RESF1: variants seen among roughly 807,000 people sequenced by gnomAD.
RESF1 encodes gonad expressed transcript.
RESF1 carries 65 observed loss-of-function variants against 134.7 expected under a neutral mutation model. That is an observed-to-expected ratio of 0.48 (90% CI 0.40 to 0.59). RESF1 has a LOEUF of 0.59. Among genes scored for constraint, RESF1 ranks in the 20% least tolerant of loss-of-function variants. The pLI, the probability that RESF1 is intolerant of heterozygous loss-of-function variation, is 0.00. For synonymous variants in RESF1, 762 were observed against 702.2 expected, an observed-to-expected ratio of 1.09 and a Z score of -1.35; for missense variants, 2,274 against 2,002.7, an observed-to-expected ratio of 1.14 and a Z score of -2.59.
chr12:31,992,900 G>A lies in RESF1; in HGVS notation c.*365G>A. 5.3e-6 allele frequency: 1 copy of A among 189,116 alleles called. No homozygotes were observed. The highest frequency in any genetic ancestry group is 1.1e-5 in the Non-Finnish European group (1 of 92,052). 11.7% of individuals were successfully genotyped at this position (189,116 alleles called of 1,614,324 possible). On this transcript the variant is annotated 3_prime_UTR_variant, in exon 6 of 6. Coordinates refer to ENST00000312561, the MANE Select transcript of RESF1 (RefSeq NM_018169.4). ...TAAATGGGACTGTAAATATGTTTTGGTTTCTAAGCTATATTAGCAAAATTT... is the reference window on the plus strand; with the variant it reads ...TAAATGGGACTGTAAATATGTTTTGATTTCTAAGCTATATTAGCAAAATTT...
At position 31,983,556 on chromosome 12, in the gene RESF1, T is replaced by C. The variant is rs368416369; in HGVS notation, c.2601T>C (p.His867=). ...GKHNKLESAI[H]SPMNDQQISQ... is the part of the protein sequence containing the mutation. ...ATAACAAATTAGAGTCAGCTATCCA[T>C]TCTCCTATGAACGATCAGCAAATCT... The change falls in exon 4 of 6, where the codon CAT becomes CAC. Residue 867 remains histidine, a synonymous_variant. Coordinates refer to ENST00000312561, the MANE Select transcript of RESF1 (RefSeq NM_018169.4). The C allele has an allele frequency of 3.8e-5, 62 of 1,614,038 alleles. No homozygotes were observed. Among genetic ancestry groups the C allele is most frequent in the Non-Finnish European group, 5.0e-5 (59 of 1,180,004 alleles).
chr12:31,985,185 T>G lies in RESF1; in HGVS notation c.4230T>G (p.Ser1410=). 5 of 1,569,232 alleles carry G rather than the reference T, an allele frequency of 3.2e-6. No individual in the cohort carries two copies. The highest frequency in any genetic ancestry group is 1.4e-5 in the African/African-American group (1 of 72,626). ...GAGCTACATTCAAATTAGGTGACTC[T>G]TTGTCAAACCCAAACGAAAGAGCCA... ...SVGATFKLGD[S]LSNPNERAIV... Residue 1410 remains serine, a synonymous_variant, in exon 4 of 6, where the codon TCT becomes TCG. Coordinates refer to ENST00000312561, the MANE Select transcript of RESF1 (RefSeq NM_018169.4).
rs1940130567 is a variant in RESF1, at chr12:31,993,029, A to T, written c.*494A>T. The stretch of plus-strand genomic sequence containing the variant: ...TCAGAAGTCTTATTTTATACTTGTG[A>T]AACTGAACACAATTTTGGGACAACG... On this transcript the variant is annotated 3_prime_UTR_variant, in exon 6 of 6. Coordinates refer to ENST00000312561, the MANE Select transcript of RESF1 (RefSeq NM_018169.4). The T allele has an allele frequency of 6.5e-6, 1 of 153,666 alleles. No individual in the cohort carries two copies. The highest frequency in any genetic ancestry group is 1.9e-4 in the East Asian group (1 of 5,238). 9.5% of individuals were successfully genotyped at this position (153,666 alleles called of 1,614,324 possible).
rs375702437 is a variant in RESF1, at chr12:31,983,074, A to G, written c.2119A>G (p.Lys707Glu). ...RTNTTAVGIS[K>E]PANIHVKSPC... Reference sequence around the variant, plus strand: ...AAACACAACAGCAGTTGGAATTTCAAAGCCTGCTAACATCCACGTTAAGAG... The same window carrying G: ...AAACACAACAGCAGTTGGAATTTCAGAGCCTGCTAACATCCACGTTAAGAG... The change falls in exon 4 of 6, where the codon AAG (lysine) becomes GAG (glutamate). Residue 707 changes from lysine to glutamate, a missense_variant. Lys to Glu is a moderately conservative substitution (Grantham distance 56). Coordinates refer to ENST00000312561, the MANE Select transcript of RESF1 (RefSeq NM_018169.4). 76 of 1,613,602 alleles carry G rather than the reference A, an allele frequency of 4.7e-5. No homozygotes were observed. The highest frequency in any genetic ancestry group is 1.6e-4 in the Middle Eastern group (1 of 6,082).
At chr12:31,976,270 TC>T (rs1939628746) in intron 3 of RESF1, among the ~76,000 whole-genome samples, 2 of 152,158 alleles carry the variant, frequency 1.3e-5, no homozygotes, top group African/African-American at 4.8e-5. Flanking sequence ...GTAAAAAAAA[TC>T]CACATTTAAC....
Position 31,987,251 on chromosome 12 carries a change from A to G in RESF1, c.5015A>G (p.Lys1672Arg). 6.4e-7 allele frequency: 1 copy of G among 1,567,220 alleles called. No individual in the cohort carries two copies. Among genetic ancestry groups the G allele is most frequent in the Non-Finnish European group, 8.8e-7 (1 of 1,139,442 alleles). ...EQAPLQVSGI[K>R]STKEDWLKFV... Reference sequence around the variant, plus strand: ...AATATTTAAATAGTTTCAGGAATAAAAAGTACAAAAGAAGACTGGTTAAAA... The same window carrying G: ...AATATTTAAATAGTTTCAGGAATAAGAAGTACAAAAGAAGACTGGTTAAAA... The change falls in exon 5 of 6, where the codon AAA becomes AGA. Residue 1672 changes from lysine (K) to arginine (R), a missense_variant. By Grantham distance (26) the Lys-to-Arg change is conservative. Transcript: ENST00000312561.
intron 2 of RESF1, among the ~76,000 whole-genome samples, chr12:31,963,370 A>G (rs10844073): frequency 0.54 from 82,242 of 151,362 alleles, 22,496 homozygotes; most frequent in Middle Eastern, 0.6. Flanking sequence ...TTCATGGAGC[A>G]CAACCTTTGG....
intron 3 of RESF1, among the ~76,000 whole-genome samples, chr12:31,973,836 A>T (rs1420422824): frequency 2.0e-5 from 3 of 152,160 alleles, no homozygotes; most frequent in African/African-American, 7.2e-5. Flanking sequence ...ATTTCTTCCC[A>T]TCCGCAAACT....
intron 1 of RESF1, among the ~76,000 whole-genome samples, chr12:31,960,529 A>C (rs1035923135): frequency 2.0e-5 from 3 of 152,160 alleles, no homozygotes; most frequent in African/African-American, 7.2e-5. Context: ...ATAAAGTATT[A>C]TTGTTTTGCA....
intron 3 of RESF1, among the ~76,000 whole-genome samples, chr12:31,972,467 G>C (rs113784105): frequency 2.0e-5 from 3 of 151,920 alleles, no homozygotes; most frequent in Admixed American, 6.5e-5. Flanking sequence ...TTAGCCAGGC[G>C]TGGTGGTGGG....
chr12:31,981,575 C>G lies in RESF1; in HGVS notation c.620C>G (p.Thr207Ser). ...WTQQCISKGL[T>S]YPDYRPPPKL... is the part of the protein sequence containing the mutation. ...CAACAGTGTATATCTAAGGGACTGA[C>G]TTACCCAGATTACAGACCACCTCCA... Residue 207 changes from threonine to serine, a missense_variant, in exon 4 of 6, where the codon ACT becomes AGT. By Grantham distance (58) the Thr-to-Ser change is moderately conservative (BLOSUM62 1). Coordinates refer to ENST00000312561, the MANE Select transcript of RESF1 (RefSeq NM_018169.4). 2.5e-6 allele frequency: 4 copies of G among 1,614,156 alleles called. No homozygotes were observed. The highest frequency in any genetic ancestry group is 3.4e-6 in the Non-Finnish European group (4 of 1,180,012).
chr12:31,990,813 AATTAT>A (rs1294581672), intron 5 of RESF1, among the ~76,000 whole-genome samples: 1 of 152,144 alleles, frequency 6.6e-6, no homozygotes, highest in African/African-American at 2.4e-5. Flanking sequence ...GGAAATAGTG[AATTAT>A]ATACCTTAGA....
At chr12:31,972,482 G>A (rs1007328149) in intron 3 of RESF1, among the ~76,000 whole-genome samples, 11 of 151,832 alleles carry the variant, frequency 7.2e-5, no homozygotes, top group African/African-American at 2.4e-4. Flanking sequence ...GGTGGGCACC[G>A]GTAGTTCCAG....
rs143758394 is a variant in RESF1, at chr12:31,984,040, A to G, written c.3085A>G (p.Ser1029Gly). 8.1e-6 allele frequency: 13 copies of G among 1,614,056 alleles called. No individual in the cohort carries two copies. The highest frequency in any genetic ancestry group is 3.3e-5 in the Admixed American group (2 of 60,024). The change falls in exon 4 of 6, where the codon AGC becomes GGC. Residue 1029 changes from serine (S) to glycine (G), a missense_variant. Transcript: ENST00000312561. ...DIYPQEIDAS[S>G]NYTPQDPARN... Reference sequence around the variant, plus strand: ...TTACCCTCAGGAAATAGATGCATCCAGCAACTATACTCCCCAAGATCCTGC... The same window carrying G: ...TTACCCTCAGGAAATAGATGCATCCGGCAACTATACTCCCCAAGATCCTGC...
chr12:31,989,872 T>C (rs1489374942), intron 5 of RESF1, among the ~76,000 whole-genome samples: 1 of 151,866 alleles, frequency 6.6e-6, no homozygotes, highest in Non-Finnish European at 1.5e-5. Flanking sequence ...TCAGTTAGCA[T>C]TGAAACATGC....
chr12:31,978,752 G>A (rs952038046), intron 3 of RESF1, among the ~76,000 whole-genome samples: 3 of 143,828 alleles, frequency 2.1e-5, no homozygotes, highest in Admixed American at 7.1e-5. Flanking sequence ...AGTAGAGGCC[G>A]GGGTTTCACC....
At position 31,983,662 on chromosome 12, in the gene RESF1, A is replaced by G; in HGVS notation, c.2707A>G (p.Thr903Ala). 6.2e-7 allele frequency: 1 copy of G among 1,613,926 alleles called. No homozygotes were observed. The highest frequency in any genetic ancestry group is 8.5e-7 in the Non-Finnish European group (1 of 1,179,948). ...TATTTGTTCTCTGGTTGAAGGTGAT[A>G]CCTCTTACAATTCCCAAATAGCAAA... ...DNICSLVEGD[T>A]SYNSQIAKIF... The change falls in exon 4 of 6, where the codon ACC (threonine) becomes GCC (alanine). Residue 903 changes from threonine to alanine, a missense_variant. Coordinates refer to ENST00000312561, the MANE Select transcript of RESF1 (RefSeq NM_018169.4).
intron 2 of RESF1, among the ~76,000 whole-genome samples, chr12:31,968,817 A>G (rs190680890): frequency 1.3e-5 from 2 of 152,284 alleles, no homozygotes; most frequent in African/African-American, 2.4e-5. Context: ...CCTGCTAGAC[A>G]TTATCTACAT....
In RESF1 at chr12:31,984,217, C is replaced by G; in HGVS notation, c.3262C>G (p.Gln1088Glu). 6.2e-7 allele frequency: 1 copy of G among 1,613,974 alleles called. No homozygotes were observed. The highest frequency in any genetic ancestry group is 1.1e-5 in the South Asian group (1 of 91,036). ...AACTACATACCAGACCTCAGAAGAT[C>G]AAACTGCTGATAAAACCAGTTCTGA... is the stretch of plus-strand genomic sequence containing the variant. ...QQTTYQTSED[Q>E]TADKTSSDSK... Residue 1088 changes from glutamine to glutamate, a missense_variant, in exon 4 of 6, where the codon CAA becomes GAA. Coordinates refer to ENST00000312561, the MANE Select transcript of RESF1 (RefSeq NM_018169.4).
Sources: gnomAD v4.1 joint callset for allele counts (sites outside exome capture counted in the v4.1 genomes callset) on GRCh38, gnomAD v4.1.1 for gene constraint, MANE v1.5 for transcripts, NCBI Gene and HGNC (gene_info 2026-07-23, HGNC 2026-07-21) for gene names.